Variants in PDE5A observed in about 807,000 individuals in gnomAD.
PDE5A encodes phosphodiesterase 5A, also known as cGMP-specific 3',5'-cyclic phosphodiesterase.
Under a neutral mutation model 110.2 loss-of-function variants are expected in PDE5A, and 67 were observed. The ratio of observed to expected loss-of-function variants is 0.61; its 90% CI spans 0.50 to 0.75. The LOEUF is 0.75. Among genes scored for constraint, PDE5A ranks in the 30% least tolerant of loss-of-function variants. The pLI, the probability that PDE5A is intolerant of heterozygous loss-of-function variation, is 0.00. For synonymous variants in PDE5A, 328 were observed against 351.2 expected (o/e 0.93, Z 0.74); for missense variants, 862 against 1,045.1 (o/e 0.82, Z 2.42).
chr4:119,596,669 T>C, intron 2 of PDE5A, 57 bp from the exon 3 acceptor site: 1 of 978,660 alleles, frequency 1.0e-6, no homozygotes, highest in Middle Eastern at 2.2e-4. Context: ...ATTGATTTGA[T>C]TTTTCTGATT....
chr4:119,627,809 T>C lies in PDE5A; in HGVS notation c.152+711A>G, dbSNP rs1285804463. On this transcript the variant is annotated intron_variant, in intron 1 of 20. Transcript: ENST00000354960. This position sits in a 1 kb window ranked among gnomAD's most constrained non-coding sequence, Gnocchi z 4.6. ...CTCTGGACCAGAAAGAGCTGGCCTC[T>C]GGGGTCTGCGCTGCCCCTTGGGGTC... Among the ~76,000 whole-genome samples the C allele has an allele frequency of 6.6e-6, 1 of 152,196 alleles. No individual in the cohort carries two copies. Among genetic ancestry groups the C allele is most frequent in the Non-Finnish European group, 1.5e-5 (1 of 68,024 alleles).
chr4:119,551,171 C>T (rs1727341390), intron 9 of PDE5A, among the ~76,000 whole-genome samples: 1 of 152,150 alleles, frequency 6.6e-6, no homozygotes, highest in African/African-American at 2.4e-5. Context: ...GTTGACAAGA[C>T]TGATTTATAA....
intron 11 of PDE5A, among the ~76,000 whole-genome samples, chr4:119,529,225 C>G (rs1442661194): frequency 6.6e-6 from 1 of 151,986 alleles, no homozygotes; most frequent in Admixed American, 6.6e-5. Flanking sequence ...TTCCAGGCCT[C>G]TTTGTTTCTT....
chr4:119,501,128 A>G (rs752134773), intron 20 of PDE5A, 42 bp downstream of exon 20: 2 of 1,221,340 alleles, frequency 1.6e-6, no homozygotes, highest in East Asian at 4.7e-5. Flanking sequence ...CTAATTCACA[A>G]CAGTCCAAGT....
At chr4:119,622,864 G>GAA (rs369291602) in intron 1 of PDE5A, among the ~76,000 whole-genome samples, 1,502 of 96,680 alleles carry the variant, frequency 0.016, 66 homozygotes, top group Non-Finnish European at 0.02. Flanking sequence ...ACTCCGTCTC[G>GAA]AAAAAAAAAA....
chr4:119,595,817 T>C (rs1004394846), intron 3 of PDE5A, among the ~76,000 whole-genome samples: 1 of 152,230 alleles, frequency 6.6e-6, no homozygotes, highest in Non-Finnish European at 1.5e-5. Context: ...TCATATATCC[T>C]CATATATCCT....
chr4:119,510,943 T>C (rs1725722075), intron 15 of PDE5A, 104 bp downstream of exon 15: 2 of 756,828 alleles, frequency 2.6e-6, no homozygotes, highest in Admixed American at 4.7e-5. Context: ...GAATAAAGTA[T>C]GTGCAAGAAT....
intron 11 of PDE5A, among the ~76,000 whole-genome samples, chr4:119,527,710 T>G (rs778766349): frequency 1.8e-4 from 27 of 152,150 alleles, no homozygotes; most frequent in Non-Finnish European, 3.1e-4. Flanking sequence ...TTCATTAGAA[T>G]TAGCAAATTT....
intron 7 of PDE5A, among the ~76,000 whole-genome samples, chr4:119,555,639 TTCATCATCATTATTTTAATTA>T (rs1251441823): frequency 1.3e-5 from 2 of 152,120 alleles, no homozygotes; most frequent in African/African-American, 2.4e-5. Context: ...ATTATTATTC[TTCATCATCATTATTTTAATTA>T]TCATCATCAT....
chr4:119,561,409 A>C, intron 6 of PDE5A, among the ~76,000 whole-genome samples: 1 of 152,362 alleles, frequency 6.6e-6, no homozygotes, highest in Middle Eastern at 3.4e-3. Context: ...AAAAGTAAGC[A>C]AAATATCTTA....
intron 15 of PDE5A, 79 bp from the exon 16 acceptor site, chr4:119,507,783 A>G (rs1320884577): frequency 7.2e-6 from 6 of 837,074 alleles, no homozygotes; most frequent in Non-Finnish European, 1.2e-5. Context: ...ATATTCACAT[A>G]TCTTAAACAC....
At chr4:119,572,393 ATAAT>A (rs938135080) in intron 3 of PDE5A, among the ~76,000 whole-genome samples, 8 of 152,354 alleles carry the variant, frequency 5.3e-5, no homozygotes, top group African/African-American at 1.9e-4. Context: ...TATTCAAATA[ATAAT>A]TAATTATGTC....
Position 119,501,290 on chromosome 4 carries a change from CATTT to C in PDE5A, c.2407-41_2407-38del, listed in dbSNP as rs754443305. 2.9e-5 allele frequency: 34 copies of C among 1,186,610 alleles called. No individual in the cohort carries two copies. The South Asian group carries it at 3.1e-4, about 11-fold the overall frequency. 73.5% of individuals were successfully genotyped at this position (1,186,610 alleles called of 1,614,324 possible). ...AATACAGACCAGACACACAGATGTG[CATTT>C]ATTTATTTAGTTAGTTATTACTTTA... On this transcript the variant is annotated intron_variant, in intron 19 of 20. Coordinates refer to ENST00000354960, the MANE Select transcript of PDE5A (RefSeq NM_001083.4).
chr4:119,518,401 T>G (rs1725992600), intron 14 of PDE5A, among the ~76,000 whole-genome samples: 1 of 152,220 alleles, frequency 6.6e-6, no homozygotes, highest in African/African-American at 2.4e-5. Context: ...AGCCTGACAC[T>G]TGTCCTAACG....
At chr4:119,625,289 G>T (rs1329746147) in intron 1 of PDE5A, among the ~76,000 whole-genome samples, 1 of 152,174 alleles carries the variant, frequency 6.6e-6, no homozygotes, top group East Asian at 1.9e-4. Flanking sequence ...GAGCCACCGT[G>T]CCAGGCCCAA....
Position 119,607,060 on chromosome 4 carries a change from C to T in PDE5A, c.390G>A (p.Lys130=). 1.2e-6 allele frequency: 2 copies of T among 1,614,178 alleles called. No homozygotes were observed. Among genetic ancestry groups the T allele is most frequent in the Non-Finnish European group, 1.7e-6 (2 of 1,180,022 alleles). The change falls in exon 2 of 21, where the codon AAG becomes AAA. Residue 130 remains lysine (K), a synonymous_variant. Coordinates refer to ENST00000354960, the MANE Select transcript of PDE5A (RefSeq NM_001083.4). ...GAGGGGTTAGAGGCATCTGTTCCTTCTTTTCTGAGTCAGAGAGGAAGCTCA... is the reference window on the plus strand; with the variant it reads ...GAGGGGTTAGAGGCATCTGTTCCTTTTTTTCTGAGTCAGAGAGGAAGCTCA... The part of the protein sequence containing the change: ...GTVSFLSDSE[K]KEQMPLTPPR...
chr4:119,554,257 C>T lies in PDE5A; in HGVS notation c.1200-511G>A, dbSNP rs114690534. 7.7e-3 allele frequency among the ~76,000 whole-genome samples: 1,176 copies of T among 152,166 alleles called. 19 individuals carry two copies. Among genetic ancestry groups the T allele is most frequent in the African/African-American group, 0.027 (1,114 of 41,536 alleles). On this transcript the variant is annotated intron_variant, in intron 7 of 20. Coordinates refer to ENST00000354960, the MANE Select transcript of PDE5A (RefSeq NM_001083.4). ...TTTCTTTCTCCTTCTGTCTTTTTGT[C>T]GTGTCTTCCTTAGCATCTTTCCCTT...
In PDE5A at chr4:119,606,963, A is replaced by G; in HGVS notation, c.487T>C (p.Leu163=). 2 of 1,614,174 alleles carry G rather than the reference A, an allele frequency of 1.2e-6. No individual in the cohort carries two copies. Among genetic ancestry groups the G allele is most frequent in the Non-Finnish European group, 8.5e-7 (1 of 1,180,024 alleles). The part of the protein sequence containing the change: ...LELVKDISSH[L]DVTALCHKIF... ...TTGTGACATAAGGCTGTGACATCCA[A>G]ATGACTAGAAATATCCTTCACTAAT... Residue 163 remains leucine (L), a synonymous_variant, in exon 2 of 21, where the codon TTG becomes CTG. Coordinates refer to ENST00000354960, the MANE Select transcript of PDE5A (RefSeq NM_001083.4).
chr4:119,572,989 C>T (rs1359904614), intron 3 of PDE5A, among the ~76,000 whole-genome samples: 1 of 152,116 alleles, frequency 6.6e-6, no homozygotes, highest in African/African-American at 2.4e-5. Flanking sequence ...AAACATAGTA[C>T]TTTTATCTTT....
Sources: gnomAD v4.1 joint callset for allele counts (sites outside exome capture counted in the v4.1 genomes callset) on GRCh38, gnomAD v4.1.1 for gene constraint, Gnocchi (gnomAD v3.1) non-coding constraint, MANE v1.5 for transcripts, NCBI Gene and HGNC (gene_info 2026-07-23, HGNC 2026-07-21) for gene names.